TC2N: variants seen among roughly 807,000 people sequenced by gnomAD.
The protein encoded by TC2N is tandem C2 domains, nuclear.
TC2N carries 51 observed loss-of-function variants against 61.9 expected under a neutral mutation model. The observed-to-expected ratio is 0.82, with a 90% CI of 0.66 to 1.04. The LOEUF (loss-of-function observed/expected upper bound fraction) is 1.04. Among genes scored for constraint, TC2N ranks in the 50% least tolerant of loss-of-function variants. The pLI is 0.00. For synonymous variants in TC2N, 204 were observed against 192.6 expected, an observed-to-expected ratio of 1.06 and a Z score of -0.49; for missense variants, 556 against 566.7, an observed-to-expected ratio of 0.98 and a Z score of 0.19.
At chr14:91,814,212 C>T (rs1327310604) in intron 1 of TC2N, among the ~76,000 whole-genome samples, 2 of 144,622 alleles carry the variant, frequency 1.4e-5, no homozygotes, top group Non-Finnish European at 3.1e-5. Flanking sequence ...GGAAGAAATA[C>T]AGAAAAACAA....
intron 1 of TC2N, among the ~76,000 whole-genome samples, chr14:91,829,962 C>A (rs1887677277): frequency 6.6e-6 from 1 of 152,064 alleles, no homozygotes; most frequent in Non-Finnish European, 1.5e-5. Context: ...GCGCTCAATG[C>A]CACTGATCAT....
chr14:91,850,154 G>A (rs1408751944), intron 1 of TC2N, among the ~76,000 whole-genome samples: 2 of 147,454 alleles, frequency 1.4e-5, no homozygotes, highest in African/African-American at 5.0e-5. Context: ...GACAGTGCAA[G>A]AGCCTCCCTG....
At chr14:91,784,529 T>C (rs79794256) in intron 11 of TC2N, among the ~76,000 whole-genome samples, 3,968 of 152,214 alleles carry the variant, frequency 0.026, 179 homozygotes, top group African/African-American at 0.091. Flanking sequence ...GGAATTTAAA[T>C]GTGGTTCAAA....
At chr14:91,863,015 C>T (rs963858678) in intron 1 of TC2N, among the ~76,000 whole-genome samples, 5 of 152,162 alleles carry the variant, frequency 3.3e-5, no homozygotes, top group African/African-American at 1.2e-4. Context: ...TGCCTTTGCT[C>T]AACAAAAATG....
intron 1 of TC2N, among the ~76,000 whole-genome samples, chr14:91,825,993 C>T (rs1274116309): frequency 6.6e-6 from 1 of 152,088 alleles, no homozygotes; most frequent in Non-Finnish European, 1.5e-5. Flanking sequence ...ATGTACATCA[C>T]TAAATCAAAT....
intron 8 of TC2N, among the ~76,000 whole-genome samples, chr14:91,793,294 TC>T (rs1251899847): frequency 6.6e-6 from 1 of 152,232 alleles, no homozygotes; most frequent in Admixed American, 6.5e-5. Flanking sequence ...GCCATACACT[TC>T]CTTCTTTCCA....
At position 91,780,186 on chromosome 14, in the gene TC2N, A is replaced by G. The variant is rs1885024910; in HGVS notation, c.*2914T>C. On this transcript the variant is annotated 3_prime_UTR_variant, in exon 12 of 12. Transcript: ENST00000435962. ...CACAGAAAGAAATATATATTTTTGAAATGTCAATTACTGCTATGCTATCAA... is the reference window on the plus strand; with the variant it reads ...CACAGAAAGAAATATATATTTTTGAGATGTCAATTACTGCTATGCTATCAA... 6.6e-6 allele frequency: 1 copy of G among 152,204 alleles called. No homozygotes were observed. Among genetic ancestry groups the G allele is most frequent in the African/African-American group, 2.4e-5 (1 of 41,466 alleles). 9.4% of individuals were successfully genotyped at this position (152,204 alleles called of 1,614,324 possible).
intron 4 of TC2N, among the ~76,000 whole-genome samples, chr14:91,800,997 CAT>C (rs1358320141): frequency 1.3e-5 from 2 of 150,958 alleles, no homozygotes. Flanking sequence ...TATACACACA[CAT>C]ATGTATACAT....
Position 91,856,907 on chromosome 14 carries a change from G to A in TC2N, c.-57+10355C>T, listed in dbSNP as rs540438621. On this transcript the variant is annotated intron_variant, in intron 1 of 11. Coordinates refer to ENST00000435962, the MANE Select transcript of TC2N (RefSeq NM_001128596.3). ...TAGGAAATATCCTTCAACGCCAAAAGGCAAGGAGAGCCCCGTGGATTAAGC... is the reference window on the plus strand; with the variant it reads ...TAGGAAATATCCTTCAACGCCAAAAAGCAAGGAGAGCCCCGTGGATTAAGC... Among the ~76,000 whole-genome samples, 17 of 152,328 alleles carry A rather than the reference G, an allele frequency of 1.1e-4. No homozygotes were observed. In the East Asian group the frequency reaches 3.1e-3, roughly 28 times the overall value.
intron 1 of TC2N, among the ~76,000 whole-genome samples, chr14:91,859,267 A>G (rs920249646): frequency 2.0e-5 from 3 of 152,158 alleles, no homozygotes; most frequent in Non-Finnish European, 2.9e-5. Flanking sequence ...TATGCATTTA[A>G]CTGTATGTAA....
chr14:91,858,782 C>T (rs1215459909), intron 1 of TC2N, among the ~76,000 whole-genome samples: 3 of 152,090 alleles, frequency 2.0e-5, no homozygotes, highest in Non-Finnish European at 1.5e-5. Flanking sequence ...GGACTGACCC[C>T]CTGCGAGTGG....
intron 2 of TC2N, 49 bp downstream of exon 2, chr14:91,813,654 A>T: frequency 7.5e-7 from 1 of 1,331,058 alleles, no homozygotes; most frequent in Non-Finnish European, 1.1e-6. Context: ...AAATGCCACA[A>T]ATGAAGAAGA....
At chr14:91,799,304 G>C (rs184237297) in intron 5 of TC2N, among the ~76,000 whole-genome samples, 1 of 151,840 alleles carries the variant, frequency 6.6e-6, no homozygotes, top group Admixed American at 6.6e-5. Flanking sequence ...GTTTTGGTTT[G>C]GTTTTGTAAT....
chr14:91,797,799 T>C lies in TC2N; in HGVS notation c.841A>G (p.Lys281Glu). 6.2e-7 allele frequency: 1 copy of C among 1,600,474 alleles called. No individual in the cohort carries two copies. Among genetic ancestry groups the C allele is most frequent in the Non-Finnish European group, 8.5e-7 (1 of 1,172,682 alleles). The stretch of plus-strand genomic sequence containing the variant: ...CAGCCACTTACGTTGGAACCTTCCT[T>C]GGCTGAAGATTTGAAATGCACTGGT... ...PKPVHFKSSA[K>E]EGSNAIEFME... The change falls in exon 8 of 12, where the codon AAG (lysine) becomes GAG (glutamate). Residue 281 changes from lysine to glutamate, a missense_variant. Coordinates refer to ENST00000435962, the MANE Select transcript of TC2N (RefSeq NM_001128596.3).
intron 1 of TC2N, among the ~76,000 whole-genome samples, chr14:91,862,450 T>G (rs1312999670): frequency 1.3e-5 from 2 of 152,224 alleles, no homozygotes; most frequent in Non-Finnish European, 2.9e-5. Flanking sequence ...TGCCTTCCTC[T>G]TGGTTTTCAC....
chr14:91,826,007 T>G (rs546541699), intron 1 of TC2N, among the ~76,000 whole-genome samples: 2 of 152,086 alleles, frequency 1.3e-5, no homozygotes, highest in African/African-American at 4.8e-5. Flanking sequence ...ATCAAATTCG[T>G]TGGTCATGTT....
At chr14:91,845,928 G>A (rs1043878321) in intron 1 of TC2N, among the ~76,000 whole-genome samples, 1 of 152,184 alleles carries the variant, frequency 6.6e-6, no homozygotes, top group Non-Finnish European at 1.5e-5. Flanking sequence ...TCTGGGAGAG[G>A]AATCTGATTT....
intron 1 of TC2N, among the ~76,000 whole-genome samples, chr14:91,814,417 G>A (rs1161411924): frequency 6.6e-6 from 1 of 150,552 alleles, no homozygotes; most frequent in Non-Finnish European, 1.5e-5. Context: ...GACAGCAGGA[G>A]AGACAGAGTG....
intron 1 of TC2N, among the ~76,000 whole-genome samples, chr14:91,858,415 CAG>C (rs1446386571): frequency 6.6e-6 from 1 of 152,070 alleles, no homozygotes; most frequent in Non-Finnish European, 1.5e-5. Flanking sequence ...GGTCACACAG[CAG>C]AGAGAATTGG....
Sources: allele counts gnomAD v4.1 joint callset (sites outside exome capture counted in the v4.1 genomes callset), GRCh38; gene constraint gnomAD v4.1.1; transcripts MANE v1.5; gene names NCBI Gene and HGNC (gene_info 2026-07-23, HGNC 2026-07-21).